Variants in CMKLR1 observed in about 807,000 individuals in gnomAD.
The protein encoded by CMKLR1 is chemerin-like receptor 1.
Under a neutral mutation model 8.2 loss-of-function variants are expected in CMKLR1, and 6 were observed. The ratio of observed to expected loss-of-function variants is 0.73; its 90% CI spans 0.40 to 1.44. The LOEUF (loss-of-function observed/expected upper bound fraction) is 1.44, where lower values mean the gene tolerates loss of function less well. Among genes scored for constraint, CMKLR1 ranks in the 40% most tolerant of loss-of-function variants. The pLI is 0.02. For missense variants in CMKLR1, 429 were observed against 478.0 expected, an observed-to-expected ratio of 0.90 and a Z score of 0.96; for synonymous variants, 178 against 181.2, an observed-to-expected ratio of 0.98 and a Z score of 0.14.
intron 2 of CMKLR1, among the ~76,000 whole-genome samples, chr12:108,305,036 G>A (rs900115626): frequency 6.6e-6 from 1 of 152,198 alleles, no homozygotes; most frequent in Non-Finnish European, 1.5e-5. Flanking sequence ...AGATGGCTCA[G>A]ACACCTCTCC....
intron 2 of CMKLR1, among the ~76,000 whole-genome samples, chr12:108,322,209 G>A (rs965480995): frequency 5.3e-5 from 8 of 152,194 alleles, no homozygotes. Flanking sequence ...TCCCTGGAAC[G>A]GGTTGGAACT....
At chr12:108,335,255 C>T (rs926187734) in intron 1 of CMKLR1, among the ~76,000 whole-genome samples, 3 of 152,196 alleles carry the variant, frequency 2.0e-5, no homozygotes, top group Admixed American at 1.3e-4. Context: ...ATCCTTGTAA[C>T]TCCATGTCCT....
intron 1 of CMKLR1, among the ~76,000 whole-genome samples, chr12:108,331,122 A>G (rs369493186): frequency 5.3e-5 from 8 of 152,158 alleles, no homozygotes; most frequent in African/African-American, 1.9e-4. Flanking sequence ...TGGGATGGAG[A>G]GACTCAAGCT....
Position 108,291,712 on chromosome 12 carries a change from C to T in CMKLR1, c.*129G>A. On this transcript the variant is annotated 3_prime_UTR_variant, in exon 4 of 4. Transcript: ENST00000550402. ...GGCCCTAGATTCCCAGCATAAAACA[C>T]TGTTCATCCCATGCAAAATGCAGTG... 1 of 923,756 alleles carries T rather than the reference C, an allele frequency of 1.1e-6. No homozygotes were observed. Among genetic ancestry groups the T allele is most frequent in the South Asian group, 1.6e-5 (1 of 61,798 alleles). 57.2% of individuals were successfully genotyped at this position (923,756 alleles called of 1,614,324 possible).
chr12:108,336,803 G>T (rs151331101), intron 1 of CMKLR1, among the ~76,000 whole-genome samples: 1 of 152,306 alleles, frequency 6.6e-6, no homozygotes, highest in African/African-American at 2.4e-5. Context: ...GTATAGACAG[G>T]CACAGTGGAA....
chr12:108,320,849 T>TC (rs1891845447), intron 2 of CMKLR1, among the ~76,000 whole-genome samples: 1 of 152,148 alleles, frequency 6.6e-6, no homozygotes, highest in African/African-American at 2.4e-5. Flanking sequence ...AGAAACACAG[T>TC]CCAGCAGCCA....
chr12:108,300,245 G>A (rs1056813511), intron 2 of CMKLR1, among the ~76,000 whole-genome samples: 6 of 152,276 alleles, frequency 3.9e-5, no homozygotes, highest in East Asian at 1.9e-4. Flanking sequence ...GAGCAGGTGC[G>A]CCAGGGAACA....
chr12:108,305,444 C>A (rs987247536), intron 2 of CMKLR1, among the ~76,000 whole-genome samples: 1 of 152,212 alleles, frequency 6.6e-6, no homozygotes, highest in Non-Finnish European at 1.5e-5. Flanking sequence ...AAAAATGTCT[C>A]TCCTGAGCAG....
At chr12:108,298,480 G>A (rs114334845) in intron 2 of CMKLR1, among the ~76,000 whole-genome samples, 191 of 152,274 alleles carry the variant, frequency 1.3e-3, no homozygotes, top group African/African-American at 4.5e-3. Flanking sequence ...TTACTGGAAA[G>A]GAGAACACAT....
chr12:108,291,509 C>A lies in CMKLR1; in HGVS notation c.*332G>T, dbSNP rs747536980. ...TGGAGAGTGTCATTTCTGGGGCACA[C>A]ACAATAGGCAGCTTAATCCCACCGC... is the stretch of plus-strand genomic sequence containing the variant. On this transcript the variant is annotated 3_prime_UTR_variant, in exon 4 of 4. Transcript: ENST00000550402. 2 of 273,512 alleles carry A rather than the reference C, an allele frequency of 7.3e-6. No individual in the cohort carries two copies. The highest frequency in any genetic ancestry group is 2.2e-5 in the African/African-American group (1 of 44,828). 16.9% of individuals were successfully genotyped at this position (273,512 alleles called of 1,614,324 possible).
chr12:108,316,970 T>G (rs1194005431), intron 2 of CMKLR1, among the ~76,000 whole-genome samples: 1 of 151,758 alleles, frequency 6.6e-6, no homozygotes, highest in Non-Finnish European at 1.5e-5. Flanking sequence ...CCCCACTAAT[T>G]TTTTTTGTAT....
intron 2 of CMKLR1, among the ~76,000 whole-genome samples, chr12:108,310,453 C>T (rs1285288950): frequency 6.6e-6 from 1 of 152,138 alleles, no homozygotes; most frequent in Non-Finnish European, 1.5e-5. Context: ...TCTGCCAGTT[C>T]CAGGCCTACC....
At chr12:108,318,215 G>A (rs1342747680) in intron 2 of CMKLR1, among the ~76,000 whole-genome samples, 1 of 152,210 alleles carries the variant, frequency 6.6e-6, no homozygotes, top group African/African-American at 2.4e-5. Flanking sequence ...AACTACATAT[G>A]TGTATCATTT....
rs1555250060 is a variant in CMKLR1, at chr12:108,288,954, A to AC, written c.*2886dup. ...CTTGAAACAGAAACTCACTTTCTGC[A>AC]CCCCCCCCCCACCTTGCTATGATGG... On this transcript the variant is annotated 3_prime_UTR_variant, in exon 4 of 4. Transcript: ENST00000550402. 0.3 allele frequency: 39,565 copies of AC among 132,778 alleles called. 5,334 individuals carry two copies. Among genetic ancestry groups the AC allele is most frequent in the East Asian group, 0.38 (1,712 of 4,556 alleles). 8.2% of individuals were successfully genotyped at this position (132,778 alleles called of 1,614,324 possible).
rs552232951 is a variant in CMKLR1, at chr12:108,297,018, A to G, written c.-73-3354T>C. Among the ~76,000 whole-genome samples the G allele has an allele frequency of 5.9e-5, 9 of 152,324 alleles. No homozygotes were observed. In the South Asian group the frequency reaches 1.9e-3, roughly 32 times the overall value. The stretch of plus-strand genomic sequence containing the variant: ...TACCCAAATTCCTTAAATCCTCCAC[A>G]ACCAGGAAGCTTATGAAAAAAATAT... On this transcript the variant is annotated intron_variant, in intron 2 of 3. Coordinates refer to ENST00000550402, the MANE Select transcript of CMKLR1 (RefSeq NM_001142343.2).
chr12:108,323,122 C>T (rs1489154575), intron 2 of CMKLR1, among the ~76,000 whole-genome samples: 1 of 152,116 alleles, frequency 6.6e-6, no homozygotes, highest in African/African-American at 2.4e-5. Flanking sequence ...TTACATTTCC[C>T]ACAAATTTTT....
chr12:108,323,134 A>G (rs1593175881), intron 2 of CMKLR1, among the ~76,000 whole-genome samples: 2 of 152,256 alleles, frequency 1.3e-5, no homozygotes, highest in African/African-American at 4.8e-5. Flanking sequence ...CAAATTTTTG[A>G]GACTGTCATA....
At chr12:108,308,521 TGCCCTC>T (rs1399958696) in intron 2 of CMKLR1, among the ~76,000 whole-genome samples, 3 of 152,192 alleles carry the variant, frequency 2.0e-5, no homozygotes, top group Non-Finnish European at 4.4e-5. Context: ...GGAGACTTCC[TGCCCTC>T]GCCTTGACTG....
At chr12:108,315,917 C>T (rs931836338) in intron 2 of CMKLR1, among the ~76,000 whole-genome samples, 3 of 152,152 alleles carry the variant, frequency 2.0e-5, no homozygotes, top group Admixed American at 2.0e-4. Flanking sequence ...TGATTTATCT[C>T]ATTGGTAAAA....
Sources: allele counts gnomAD v4.1 joint callset (sites outside exome capture counted in the v4.1 genomes callset), GRCh38; gene constraint gnomAD v4.1.1; transcripts MANE v1.5; gene names NCBI Gene and HGNC (gene_info 2026-07-23, HGNC 2026-07-21).